The following BMAL2 variants were observed in gnomAD, a reference collection of about 807,000 sequenced individuals.
BMAL2 encodes basic helix-loop-helix ARNT like 2.
the BMAL2 span, among the ~76,000 whole-genome samples, chr12:27,415,566 A>G: frequency 6.6e-6 from 1 of 152,138 alleles, no homozygotes; most frequent in Non-Finnish European, 1.5e-5. Flanking sequence ...TGACATGAGC[A>G]CCTGTTTTAA....
chr12:27,364,345 GTTTTTGT>G, the BMAL2 span, among the ~76,000 whole-genome samples: 1 of 152,136 alleles, frequency 6.6e-6, no homozygotes, highest in Non-Finnish European at 1.5e-5. Flanking sequence ...AACTGGATTT[GTTTTTGT>G]ATTTGGTGTA....
At chr12:27,337,534 G>A in the BMAL2 span, among the ~76,000 whole-genome samples, 1 of 152,070 alleles carries the variant, frequency 6.6e-6, no homozygotes, top group Admixed American at 6.6e-5. Context: ...GCTGTTCCTG[G>A]AATACCCCTG....
At chr12:27,423,099 T>C in the BMAL2 span, 2 of 152,220 alleles carry the variant, frequency 1.3e-5, no homozygotes, top group African/African-American at 2.4e-5. Context: ...ATCCATGCAT[T>C]GTATGATACC....
the BMAL2 span, among the ~76,000 whole-genome samples, chr12:27,339,019 G>A: frequency 0.014 from 2,069 of 152,164 alleles, 20 homozygotes; most frequent in Non-Finnish European, 0.023. Flanking sequence ...GGGTAAACTC[G>A]TGTCACAGGG....
chr12:27,370,001 C>T, the BMAL2 span: 18 of 666,594 alleles, frequency 2.7e-5, no homozygotes, highest in Non-Finnish European at 4.0e-5. Flanking sequence ...GTATTTTCTC[C>T]ACTTCACCCA....
At chr12:27,384,862 G>A in the BMAL2 span, among the ~76,000 whole-genome samples, 1 of 152,076 alleles carries the variant, frequency 6.6e-6, no homozygotes, top group East Asian at 1.9e-4. Context: ...GCTAACGGGG[G>A]ACTACTGCAT....
the BMAL2 span, among the ~76,000 whole-genome samples, chr12:27,409,981 G>A: frequency 6.6e-6 from 1 of 152,010 alleles, no homozygotes; most frequent in African/African-American, 2.4e-5. Context: ...GCAGCCAAAA[G>A]ACACATGAAA....
chr12:27,374,585 A>T, the BMAL2 span, among the ~76,000 whole-genome samples: 2 of 152,204 alleles, frequency 1.3e-5, no homozygotes, highest in East Asian at 3.8e-4. Context: ...TTGTTTTCTG[A>T]TTATTCCTTT....
At chr12:27,337,483 A>G in the BMAL2 span, among the ~76,000 whole-genome samples, 1 of 152,178 alleles carries the variant, frequency 6.6e-6, no homozygotes, top group African/African-American at 2.4e-5. Flanking sequence ...CCCCAACATA[A>G]TGTACACTTT....
the BMAL2 span, chr12:27,420,492 G>A: frequency 2.5e-6 from 4 of 1,612,892 alleles, no homozygotes; most frequent in Non-Finnish European, 3.4e-6. Context: ...GGGGGCCTGG[G>A]AGACCCTGGG....
At chr12:27,416,505 T>G in the BMAL2 span, among the ~76,000 whole-genome samples, 1 of 152,184 alleles carries the variant, frequency 6.6e-6, no homozygotes, top group Non-Finnish European at 1.5e-5. Flanking sequence ...TATACAAAAA[T>G]TACTAAACCT....
At chr12:27,359,230 G>A in the BMAL2 span, among the ~76,000 whole-genome samples, 1 of 152,180 alleles carries the variant, frequency 6.6e-6, no homozygotes, top group Non-Finnish European at 1.5e-5. Flanking sequence ...GTGAAGTAGG[G>A]ATAGCAGGAA....
the BMAL2 span, among the ~76,000 whole-genome samples, chr12:27,351,701 A>G: frequency 2.0e-5 from 3 of 152,336 alleles, no homozygotes; most frequent in East Asian, 3.9e-4. Context: ...CTGTTCCTTC[A>G]GAAACCAGAA....
At chr12:27,380,850 G>A in the BMAL2 span, among the ~76,000 whole-genome samples, 8 of 151,978 alleles carry the variant, frequency 5.3e-5, no homozygotes, top group African/African-American at 1.5e-4. Flanking sequence ...GCCAAGTGTG[G>A]TCTTGCGTGC....
chr12:27,342,295 T>G, the BMAL2 span, among the ~76,000 whole-genome samples: 1 of 152,246 alleles, frequency 6.6e-6, no homozygotes, highest in African/African-American at 2.4e-5. Context: ...AGAAGTTACT[T>G]GTAAACAGAA....
At chr12:27,354,711 A>G in the BMAL2 span, among the ~76,000 whole-genome samples, 1 of 152,210 alleles carries the variant, frequency 6.6e-6, no homozygotes, top group Non-Finnish European at 1.5e-5. Flanking sequence ...TACGCTTGGT[A>G]TCTTACTAGG....
the BMAL2 span, among the ~76,000 whole-genome samples, chr12:27,382,694 C>G: frequency 6.6e-6 from 1 of 152,180 alleles, no homozygotes. Context: ...CCCACACTTG[C>G]TCGGCAAAAA....
chr12:27,332,956 C>T, the BMAL2 span: 2 of 799,336 alleles, frequency 2.5e-6, no homozygotes, highest in Non-Finnish European at 3.2e-6. Context: ...CCCGGCAGGG[C>T]CCGCCAGTCC....
At chr12:27,377,475 G>C in the BMAL2 span, 1 of 152,264 alleles carries the variant, frequency 6.6e-6, no homozygotes, top group East Asian at 1.9e-4. Context: ...TTCCTCTGCT[G>C]TACATCCTGG....
Sources: allele counts gnomAD v4.1 joint callset (sites outside exome capture counted in the v4.1 genomes callset), GRCh38; gene constraint gnomAD v4.1.1; transcripts MANE v1.5; gene names NCBI Gene and HGNC (gene_info 2026-07-23, HGNC 2026-07-21).